OPCML: variants seen among roughly 807,000 people sequenced by gnomAD.
The protein encoded by OPCML is opioid-binding protein/cell adhesion molecule.
OPCML carries 13 observed loss-of-function variants against 37.8 expected under a neutral mutation model. That is an observed-to-expected ratio of 0.34 (90% CI 0.22 to 0.55). OPCML has a LOEUF of 0.55. Ranked by LOEUF, OPCML falls within the 20% of genes least tolerant of loss-of-function variation. The probability of loss-of-function intolerance (pLI) is 0.91; values close to 1 mark genes in which losing one functional copy is unlikely to be tolerated. For missense variants in OPCML, 341 were observed against 435.6 expected (o/e 0.78, Z 1.93); for synonymous variants, 176 against 168.8 (o/e 1.04, Z -0.33).
chr11:132,651,185 T>C (rs888543199), intron 3 of OPCML, among the ~76,000 whole-genome samples: 1 of 152,182 alleles, frequency 6.6e-6, no homozygotes, highest in Non-Finnish European at 1.5e-5. Flanking sequence ...CCTGTCTACG[T>C]ATTTAACTCT....
At chr11:132,487,279 C>T (rs1366572450) in intron 4 of OPCML, among the ~76,000 whole-genome samples, 1 of 152,220 alleles carries the variant, frequency 6.6e-6, no homozygotes, top group South Asian at 2.1e-4. Context: ...TGACGGGCAA[C>T]GTCTCTTCTG....
At chr11:133,096,402 A>C (rs1269939221) in intron 1 of OPCML, among the ~76,000 whole-genome samples, 2 of 152,042 alleles carry the variant, frequency 1.3e-5, no homozygotes, top group Non-Finnish European at 2.9e-5. Flanking sequence ...GTAGGAGAGA[A>C]AATGAGATTA....
chr11:133,349,447 T>C (rs565782556), intron 1 of OPCML, among the ~76,000 whole-genome samples: 2 of 152,182 alleles, frequency 1.3e-5, no homozygotes, highest in African/African-American at 2.4e-5. Flanking sequence ...TTAAAAACTG[T>C]AAATGGTATT....
chr11:132,811,169 A>G (rs1442253301), intron 2 of OPCML, among the ~76,000 whole-genome samples: 1 of 152,102 alleles, frequency 6.6e-6, no homozygotes, highest in African/African-American at 2.4e-5. Context: ...TAATTAACCA[A>G]TCAAACTGCT....
intron 1 of OPCML, chr11:133,417,970 T>C: frequency 5.9e-6 from 4 of 674,270 alleles, no homozygotes; most frequent in Non-Finnish European, 5.5e-6. Flanking sequence ...CAGGTAAAAG[T>C]TTACACAAGC....
In OPCML at chr11:132,436,230, T is replaced by C; in HGVS notation, c.772A>G (p.Thr258Ala). 6.2e-7 allele frequency: 1 copy of C among 1,614,204 alleles called. No homozygotes were observed. The highest frequency in any genetic ancestry group is 2.2e-5 in the East Asian group (1 of 44,874). Residue 258 changes from threonine (T) to alanine (A), a missense_variant, in exon 7 of 8, where the codon ACT becomes GCT. By Grantham distance (58) the Thr-to-Ala change is moderately conservative. Coordinates refer to ENST00000524381, the MANE Select transcript of OPCML (RefSeq NM_001012393.5). ...TCAATCCTCATTCCATCCAGACCAGTGGCTAACCTGCAAGAGGGAAGACAT... is the reference window on the plus strand; with the variant it reads ...TCAATCCTCATTCCATCCAGACCAGCGGCTAACCTGCAAGAGGGAAGACAT... ...QWFKEETRLA[T>A]GLDGMRIENK...
rs544094799 is a variant in OPCML, at chr11:132,674,461, T to C, written c.147-17142A>G. Among the ~76,000 whole-genome samples the C allele has an allele frequency of 2.0e-4, 30 of 152,250 alleles. No individual in the cohort carries two copies. In the South Asian group the frequency reaches 6.2e-3, roughly 32 times the overall value. On this transcript the variant is annotated intron_variant, in intron 2 of 7. Transcript: ENST00000524381. ...GCCCCAGTGAATAATCAGATTTATTTTGTGTTGTATTTTTTAAGTGGAAAG... is the reference window on the plus strand; with the variant it reads ...GCCCCAGTGAATAATCAGATTTATTCTGTGTTGTATTTTTTAAGTGGAAAG...
At chr11:132,795,632 C>T (rs1225872827) in intron 2 of OPCML, among the ~76,000 whole-genome samples, 1 of 152,178 alleles carries the variant, frequency 6.6e-6, no homozygotes, top group African/African-American at 2.4e-5. Context: ...TTTGGAAATT[C>T]CACATATTCC....
chr11:132,628,959 C>T lies in OPCML; in HGVS notation c.379+28128G>A, dbSNP rs138199407. ...AACCATGCTGAATTAAACCTCTTTC[C>T]TTTATAAATTACCCAGTCTTGGGTG... On this transcript the variant is annotated intron_variant, in intron 3 of 7. Coordinates refer to ENST00000524381, the MANE Select transcript of OPCML (RefSeq NM_001012393.5). 2.2e-4 allele frequency among the ~76,000 whole-genome samples: 34 copies of T among 152,226 alleles called. No individual in the cohort carries two copies. The East Asian group carries it at 6.4e-3, about 29-fold the overall frequency.
intron 2 of OPCML, among the ~76,000 whole-genome samples, chr11:132,782,426 GATAA>G (rs996542922): frequency 6.6e-6 from 1 of 152,218 alleles, no homozygotes; most frequent in African/African-American, 2.4e-5. Flanking sequence ...GTGGCTGCAG[GATAA>G]ATGTTTCTTA....
intron 1 of OPCML, among the ~76,000 whole-genome samples, chr11:133,295,339 G>A (rs1412043328): frequency 1.3e-5 from 2 of 152,104 alleles, no homozygotes; most frequent in Non-Finnish European, 2.9e-5. Flanking sequence ...GGCATTCCAG[G>A]AGTCATACAA....
intron 1 of OPCML, among the ~76,000 whole-genome samples, chr11:132,957,406 G>A (rs1186049782): frequency 6.6e-6 from 1 of 152,098 alleles, no homozygotes; most frequent in South Asian, 2.1e-4. Flanking sequence ...CATAATCAGA[G>A]TTCTCCAGGG....
intron 1 of OPCML, among the ~76,000 whole-genome samples, chr11:133,190,597 A>G (rs767531755): frequency 5.9e-5 from 9 of 152,198 alleles, no homozygotes; most frequent in Non-Finnish European, 1.2e-4. Flanking sequence ...ATCACCCCAG[A>G]AAAGAAATCC....
chr11:133,359,157 C>T (rs767200943), intron 1 of OPCML, among the ~76,000 whole-genome samples: 17 of 152,290 alleles, frequency 1.1e-4, no homozygotes, highest in Non-Finnish European at 2.2e-4. Context: ...TTGCTATTCC[C>T]TATAAAATAA....
At chr11:132,779,138 T>C (rs560731543) in intron 2 of OPCML, among the ~76,000 whole-genome samples, 35 of 152,160 alleles carry the variant, frequency 2.3e-4, no homozygotes, top group African/African-American at 8.4e-4. Flanking sequence ...CAGCTCATTT[T>C]TGTATTTTTA....
At chr11:133,441,322 T>C (rs867540667) in intron 1 of OPCML, among the ~76,000 whole-genome samples, 4 of 152,100 alleles carry the variant, frequency 2.6e-5, no homozygotes, top group Non-Finnish European at 5.9e-5. Context: ...AAGCCTATTG[T>C]AATAAAAACA....
At chr11:133,460,468 T>C (rs1946832485) in intron 1 of OPCML, among the ~76,000 whole-genome samples, 1 of 151,792 alleles carries the variant, frequency 6.6e-6, no homozygotes, top group African/African-American at 2.4e-5. Flanking sequence ...TTTAGCTAGG[T>C]TGACTAAAAA....
intron 2 of OPCML, among the ~76,000 whole-genome samples, chr11:132,821,801 C>T (rs1591655333): frequency 1.3e-5 from 2 of 152,296 alleles, no homozygotes; most frequent in South Asian, 2.1e-4. Context: ...CACCCCTCCC[C>T]ACTAAATGTC....
At chr11:133,359,598 A>T (rs935104126) in intron 1 of OPCML, among the ~76,000 whole-genome samples, 1 of 152,206 alleles carries the variant, frequency 6.6e-6, no homozygotes, top group South Asian at 2.1e-4. Context: ...GATACATTAA[A>T]TCAGTTCCCA....
Sources: allele counts gnomAD v4.1 joint callset (sites outside exome capture counted in the v4.1 genomes callset), GRCh38; gene constraint gnomAD v4.1.1; transcripts MANE v1.5; gene names NCBI Gene and HGNC (gene_info 2026-07-23, HGNC 2026-07-21).